Variants in NXPH1 observed in about 807,000 individuals in gnomAD.
NXPH1 encodes neurexophilin-1.
A neutral mutation model predicts 23.7 loss-of-function variants in NXPH1; 5 were observed. The ratio of observed to expected loss-of-function variants is 0.21; its 90% confidence interval spans 0.11 to 0.44. The LOEUF is 0.44. Among genes scored for constraint, NXPH1 ranks in the 20% least tolerant of loss-of-function variants. NXPH1 has a pLI of 0.99. For synonymous variants in NXPH1, 144 were observed against 122.2 expected, an observed-to-expected ratio of 1.18 and a Z score of -1.18; for missense variants, 324 against 321.6, an observed-to-expected ratio of 1.01 and a Z score of -0.06.
At chr7:8,508,225 G>A (rs925371548) in intron 2 of NXPH1, among the ~76,000 whole-genome samples, 2 of 151,964 alleles carry the variant, frequency 1.3e-5, no homozygotes, top group African/African-American at 4.8e-5. Flanking sequence ...ATGAATACCT[G>A]CATATTTATA....
chr7:8,501,325 C>A (rs948230323), intron 2 of NXPH1, among the ~76,000 whole-genome samples: 1 of 151,912 alleles, frequency 6.6e-6, no homozygotes, highest in Non-Finnish European at 1.5e-5. Flanking sequence ...TTCCTGGAAG[C>A]TTTTAGGAGT....
intron 2 of NXPH1, among the ~76,000 whole-genome samples, chr7:8,576,307 G>A (rs964425683): frequency 6.6e-6 from 1 of 152,130 alleles, no homozygotes; most frequent in Non-Finnish European, 1.5e-5. Context: ...CATCATCCAT[G>A]CCCTTTGGGG....
At chr7:8,466,620 A>G (rs775643144) in intron 2 of NXPH1, among the ~76,000 whole-genome samples, 2 of 152,142 alleles carry the variant, frequency 1.3e-5, no homozygotes, top group Non-Finnish European at 2.9e-5. Flanking sequence ...AGTTTTTAGT[A>G]TATCATTAAG....
chr7:8,501,131 C>T (rs931780839), intron 2 of NXPH1, among the ~76,000 whole-genome samples: 14 of 152,196 alleles, frequency 9.2e-5, no homozygotes, highest in African/African-American at 3.4e-4. Context: ...AATCTATCAG[C>T]TGTCACAGAT....
chr7:8,455,092 T>G (rs1816572116), intron 2 of NXPH1, among the ~76,000 whole-genome samples: 1 of 152,156 alleles, frequency 6.6e-6, no homozygotes, highest in Non-Finnish European at 1.5e-5. Context: ...TGTCTTAGAT[T>G]ATCAGAGGTA....
chr7:8,605,171 G>T (rs1819456844), intron 2 of NXPH1, among the ~76,000 whole-genome samples: 1 of 152,040 alleles, frequency 6.6e-6, no homozygotes, highest in African/African-American at 2.4e-5. Context: ...TTTGATGTGT[G>T]GAAAATGAAA....
chr7:8,584,627 A>G (rs750243699), intron 2 of NXPH1, among the ~76,000 whole-genome samples: 2 of 152,198 alleles, frequency 1.3e-5, no homozygotes, highest in Non-Finnish European at 2.9e-5. Context: ...TATGATCAGT[A>G]CCATGGGTTT....
chr7:8,681,549 C>T (rs1645742291), intron 2 of NXPH1, among the ~76,000 whole-genome samples: 2 of 152,046 alleles, frequency 1.3e-5, no homozygotes, highest in South Asian at 4.1e-4. Context: ...CCCCTTGTCT[C>T]CTTGACTAGA....
intron 2 of NXPH1, among the ~76,000 whole-genome samples, chr7:8,677,765 G>C (rs1035790801): frequency 4.6e-5 from 7 of 152,036 alleles, no homozygotes; most frequent in Admixed American, 3.3e-4. Flanking sequence ...CTATGAACAA[G>C]ATGATTTTTA....
At chr7:8,466,269 C>G (rs1040030712) in intron 2 of NXPH1, among the ~76,000 whole-genome samples, 4 of 152,106 alleles carry the variant, frequency 2.6e-5, no homozygotes, top group African/African-American at 9.7e-5. Flanking sequence ...CATTAAGCAG[C>G]TAATGGAGTT....
At chr7:8,743,827 G>T (rs554176021) in intron 2 of NXPH1, among the ~76,000 whole-genome samples, 1 of 152,106 alleles carries the variant, frequency 6.6e-6, no homozygotes, top group African/African-American at 2.4e-5. Flanking sequence ...GGGACCACAG[G>T]CACCCACCAC....
intron 2 of NXPH1, among the ~76,000 whole-genome samples, chr7:8,506,935 T>C (rs1817536419): frequency 6.6e-6 from 1 of 152,008 alleles, no homozygotes; most frequent in South Asian, 2.1e-4. Context: ...CCTGAAGGGC[T>C]TTCAGTGTGT....
chr7:8,515,041 G>C (rs187646164), intron 2 of NXPH1, among the ~76,000 whole-genome samples: 9 of 152,202 alleles, frequency 5.9e-5, no homozygotes, highest in African/African-American at 1.7e-4. Context: ...AGTGATGCCT[G>C]TGTGTATGTG....
In NXPH1 at chr7:8,499,803, G is replaced by A. The variant is rs117808273; in HGVS notation, c.54+64036G>A. On this transcript the variant is annotated intron_variant, in intron 2 of 2. Coordinates refer to ENST00000405863, the MANE Select transcript of NXPH1 (RefSeq NM_152745.3). ...TGCACACTTCTGAGCATTGGCCTCT[G>A]CAGCTGGACGAGCCATGGCTTTCCA... Among the ~76,000 whole-genome samples, 46 of 152,142 alleles carry A rather than the reference G, an allele frequency of 3.0e-4. No homozygotes were observed. The East Asian group carries it at 7.4e-3, about 24-fold the overall frequency.
At position 8,633,699 on chromosome 7, in the gene NXPH1, G is replaced by C. The variant is rs140391292; in HGVS notation, c.55-117309G>C. On this transcript the variant is annotated intron_variant, in intron 2 of 2. Coordinates refer to ENST00000405863, the MANE Select transcript of NXPH1 (RefSeq NM_152745.3). ...CAATTACCCAGAAGACCTGAAAAAA[G>C]AATTCGTAATTTTTATACAGCCCAT... is the stretch of plus-strand genomic sequence containing the variant. Among the ~76,000 whole-genome samples, 3 of 152,074 alleles carry C rather than the reference G, an allele frequency of 2.0e-5. No homozygotes were observed. In the South Asian group the frequency reaches 6.2e-4, roughly 31 times the overall value.
At chr7:8,531,539 T>G (rs1278955275) in intron 2 of NXPH1, among the ~76,000 whole-genome samples, 1 of 152,172 alleles carries the variant, frequency 6.6e-6, no homozygotes, top group Non-Finnish European at 1.5e-5. Flanking sequence ...TTCTCTATCT[T>G]GCCTTATTTT....
chr7:8,480,910 AGG>A (rs1817062314), intron 2 of NXPH1, among the ~76,000 whole-genome samples: 2 of 152,182 alleles, frequency 1.3e-5, no homozygotes, highest in Non-Finnish European at 2.9e-5. Flanking sequence ...ATATTTCTAA[AGG>A]TATTATTTTT....
At chr7:8,439,926 A>C (rs1298660742) in intron 2 of NXPH1, among the ~76,000 whole-genome samples, 1 of 152,232 alleles carries the variant, frequency 6.6e-6, no homozygotes, top group Non-Finnish European at 1.5e-5. Context: ...CTGCACACTG[A>C]AAATTCTAAT....
At chr7:8,731,653 G>GGGGGTCA (rs1780156162) in intron 2 of NXPH1, among the ~76,000 whole-genome samples, 1 of 152,184 alleles carries the variant, frequency 6.6e-6, no homozygotes, top group African/African-American at 2.4e-5. Flanking sequence ...TAGGCTGCTC[G>GGGGGTCA]GGGGTCAGGG....
Sources: allele counts gnomAD v4.1 joint callset (sites outside exome capture counted in the v4.1 genomes callset), GRCh38; gene constraint gnomAD v4.1.1; transcripts MANE v1.5; gene names NCBI Gene and HGNC (gene_info 2026-07-23, HGNC 2026-07-21).